The following CNTNAP5 variants were observed in gnomAD, a reference collection of about 807,000 sequenced individuals.
CNTNAP5 encodes contactin-associated protein-like 5.
CNTNAP5 carries 72 observed loss-of-function variants against 150.2 expected under a neutral mutation model. That is an observed-to-expected ratio of 0.48 (90% CI 0.40 to 0.58). CNTNAP5 has a LOEUF of 0.58. Ranked by LOEUF, CNTNAP5 falls within the 20% of genes least tolerant of loss-of-function variation. CNTNAP5 has a pLI of 0.00. For synonymous variants in CNTNAP5, 672 were observed against 619.8 expected, an observed-to-expected ratio of 1.08 and a Z score of -1.25; for missense variants, 1,636 against 1,626.2, an observed-to-expected ratio of 1.01 and a Z score of -0.10.
At chr2:124,489,556 G>T (rs1021878013) in intron 7 of CNTNAP5, among the ~76,000 whole-genome samples, 16 of 152,184 alleles carry the variant, frequency 1.1e-4, no homozygotes, top group African/African-American at 3.6e-4. Flanking sequence ...AGGAAACACA[G>T]TTCAGTCCAC....
chr2:124,663,460 C>G (rs1388593073), intron 13 of CNTNAP5, among the ~76,000 whole-genome samples: 2 of 152,146 alleles, frequency 1.3e-5, no homozygotes, highest in East Asian at 3.9e-4. Flanking sequence ...AGAAGAAAAT[C>G]AGAAACAAAG....
intron 19 of CNTNAP5, among the ~76,000 whole-genome samples, chr2:124,810,262 T>C (rs1573632099): frequency 6.6e-6 from 1 of 152,202 alleles, no homozygotes; most frequent in Non-Finnish European, 1.5e-5. Context: ...TTTAACTGGA[T>C]GATTCCAGCT....
chr2:124,735,373 C>T (rs985240502), intron 13 of CNTNAP5, among the ~76,000 whole-genome samples: 1 of 151,888 alleles, frequency 6.6e-6, no homozygotes, highest in African/African-American at 2.4e-5. Flanking sequence ...GAGGTTTAGG[C>T]CAATTAGACT....
chr2:124,653,949 T>A (rs10206545), intron 13 of CNTNAP5, among the ~76,000 whole-genome samples: 77,444 of 129,168 alleles, frequency 0.6, 23,183 homozygotes, highest in African/African-American at 0.65. Flanking sequence ...TCAGTGCATG[T>A]TGAAAGTGAT....
intron 2 of CNTNAP5, among the ~76,000 whole-genome samples, chr2:124,233,300 A>G (rs992000104): frequency 2.0e-5 from 3 of 152,066 alleles, no homozygotes; most frequent in African/African-American, 4.8e-5. Flanking sequence ...ATAGCAGCAT[A>G]ATGAACATCT....
intron 17 of CNTNAP5, among the ~76,000 whole-genome samples, chr2:124,778,222 G>A (rs1487063928): frequency 6.6e-6 from 1 of 152,128 alleles, no homozygotes; most frequent in Non-Finnish European, 1.5e-5. Flanking sequence ...CCAGAGAGGT[G>A]GCTGAGGCTG....
chr2:124,312,519 C>T (rs1688855620), intron 3 of CNTNAP5, among the ~76,000 whole-genome samples: 1 of 151,656 alleles, frequency 6.6e-6, no homozygotes, highest in African/African-American at 2.4e-5. Context: ...TGCATGCCAC[C>T]ACACCCAACT....
At chr2:124,165,981 T>G (rs1684804487) in intron 1 of CNTNAP5, among the ~76,000 whole-genome samples, 1 of 152,190 alleles carries the variant, frequency 6.6e-6, no homozygotes, top group African/African-American at 2.4e-5. Context: ...CATTCATCCT[T>G]GTTGCTTAAT....
At chr2:124,457,519 T>A (rs1185093513) in intron 6 of CNTNAP5, among the ~76,000 whole-genome samples, 1 of 152,054 alleles carries the variant, frequency 6.6e-6, no homozygotes, top group Non-Finnish European at 1.5e-5. Flanking sequence ...ATTCTCTTTT[T>A]TTTATTAGGA....
At position 124,258,794 on chromosome 2, in the gene CNTNAP5, G is replaced by A. The variant is rs72962865; in HGVS notation, c.381+16401G>A. ...TGCCTTCCTACAATAGGACATGTATGCATCATTGGACCTTTGACATTAAAC... is the reference window on the plus strand; with the variant it reads ...TGCCTTCCTACAATAGGACATGTATACATCATTGGACCTTTGACATTAAAC... On this transcript the variant is annotated intron_variant, in intron 3 of 23. Transcript: ENST00000682447. Among the ~76,000 whole-genome samples the A allele has an allele frequency of 1.4e-3, 220 of 152,224 alleles. 1 individual carries two copies. Among genetic ancestry groups the A allele is most frequent in the African/African-American group, 4.9e-3 (205 of 41,540 alleles).
intron 4 of CNTNAP5, among the ~76,000 whole-genome samples, chr2:124,424,933 C>A (rs1251828944): frequency 1.3e-5 from 2 of 152,214 alleles, no homozygotes; most frequent in Non-Finnish European, 2.9e-5. Context: ...TAATGCCCTG[C>A]TGCCCAGTAT....
intron 5 of CNTNAP5, among the ~76,000 whole-genome samples, chr2:124,445,147 T>A (rs1692782487): frequency 6.6e-6 from 1 of 150,736 alleles, no homozygotes; most frequent in Non-Finnish European, 1.5e-5. Context: ...TGGAGTGCAG[T>A]GGCGCGATCT....
At chr2:124,287,402 A>G (rs1001902468) in intron 3 of CNTNAP5, among the ~76,000 whole-genome samples, 3 of 152,130 alleles carry the variant, frequency 2.0e-5, no homozygotes, top group African/African-American at 7.2e-5. Flanking sequence ...ACTTCAAAAT[A>G]TGTTTTTCTA....
chr2:124,327,418 A>G (rs1689246822), intron 3 of CNTNAP5, among the ~76,000 whole-genome samples: 1 of 152,152 alleles, frequency 6.6e-6, no homozygotes, highest in South Asian at 2.1e-4. Context: ...AGTGCATTCC[A>G]AGGTCAACCT....
At chr2:124,852,835 G>A (rs1001826994) in intron 19 of CNTNAP5, among the ~76,000 whole-genome samples, 20 of 152,186 alleles carry the variant, frequency 1.3e-4, no homozygotes, top group Admixed American at 1.3e-3. Flanking sequence ...GACTTGGTGT[G>A]GGGCACATGT....
Position 124,798,334 on chromosome 2 carries a change from C to T in CNTNAP5, c.3217+14C>T. The T allele has an allele frequency of 6.3e-7, 1 of 1,575,756 alleles. No individual in the cohort carries two copies. The highest frequency in any genetic ancestry group is 8.7e-7 in the Non-Finnish European group (1 of 1,145,342). ...TCTGCAAGAATGGTGAGTGTGATGG[C>T]ATGATACCCAGCGGAGTCTCAGCCT... is the stretch of plus-strand genomic sequence containing the variant. On this transcript the variant is annotated intron_variant, in intron 19 of 23. Transcript: ENST00000682447.
At chr2:124,178,398 CA>C (rs1685120286) in intron 1 of CNTNAP5, among the ~76,000 whole-genome samples, 1 of 152,094 alleles carries the variant, frequency 6.6e-6, no homozygotes, top group Non-Finnish European at 1.5e-5. Flanking sequence ...AGACCTTATC[CA>C]AGTTCTTAAT....
At chr2:124,492,745 G>A (rs1464212849) in intron 7 of CNTNAP5, among the ~76,000 whole-genome samples, 2 of 151,940 alleles carry the variant, frequency 1.3e-5, no homozygotes, top group Admixed American at 6.6e-5. Flanking sequence ...ATTGTAAATG[G>A]GATTGTTTAT....
At chr2:124,257,885 C>T (rs535741477) in intron 3 of CNTNAP5, among the ~76,000 whole-genome samples, 9 of 152,078 alleles carry the variant, frequency 5.9e-5, no homozygotes, top group Non-Finnish European at 1.3e-4. Context: ...GACTATTTGC[C>T]CTGGCTGTCT....
Sources: allele counts gnomAD v4.1 joint callset (sites outside exome capture counted in the v4.1 genomes callset), GRCh38; gene constraint gnomAD v4.1.1; transcripts MANE v1.5; gene names NCBI Gene and HGNC (gene_info 2026-07-23, HGNC 2026-07-21).